ZNF221: variants seen among roughly 807,000 people sequenced by gnomAD.
ZNF221 encodes the protein zinc finger protein 221.
Under a neutral mutation model 12.6 loss-of-function variants are expected in ZNF221, and 10 were observed. The ratio of observed to expected loss-of-function variants is 0.79; its 90% CI spans 0.49 to 1.34. ZNF221 has a LOEUF of 1.34. Ranked by LOEUF, ZNF221 falls within the 40% of genes most tolerant of loss-of-function variation. ZNF221 has a pLI of 0.00. For missense variants in ZNF221, 661 were observed against 721.4 expected, an observed-to-expected ratio of 0.92 and a Z score of 0.96; for synonymous variants, 232 against 244.0, an observed-to-expected ratio of 0.95 and a Z score of 0.46.
At chr19:43,952,217 C>T (rs1240141873) in intron 1 of ZNF221, among the ~76,000 whole-genome samples, 1 of 152,122 alleles carries the variant, frequency 6.6e-6, no homozygotes, top group African/African-American at 2.4e-5. Flanking sequence ...TCTCCAATTT[C>T]CACAGAAGGA....
intron 1 of ZNF221, among the ~76,000 whole-genome samples, chr19:43,958,850 A>G (rs1217820213): frequency 1.3e-5 from 2 of 152,232 alleles, no homozygotes; most frequent in Non-Finnish European, 2.9e-5. Context: ...AGAATCTTTT[A>G]TCTTAGATGC....
chr19:43,963,473 C>T (rs773496500), intron 2 of ZNF221, among the ~76,000 whole-genome samples: 2 of 152,206 alleles, frequency 1.3e-5, no homozygotes, highest in African/African-American at 4.8e-5. Flanking sequence ...AGTTTTCACA[C>T]AGGAAGAGCT....
chr19:43,966,975 C>T lies in ZNF221; in HGVS notation c.1473C>T (p.Ser491=). Residue 491 remains serine, a synonymous_variant, in exon 5 of 5, where the codon TCC becomes TCT. Coordinates refer to ENST00000587682, the MANE Select transcript of ZNF221 (RefSeq NM_001297588.2). ...GTGGCAAGAGCTTTGGCTGGGCCTC[C>T]TGTCTTTTGAAACATCAGAGACTCC... is the stretch of plus-strand genomic sequence containing the variant. ...KECGKSFGWA[S]CLLKHQRLHS... is the part of the protein sequence containing the mutation. 1 of 1,605,094 alleles carries T rather than the reference C, an allele frequency of 6.2e-7. No individual in the cohort carries two copies. Among genetic ancestry groups the T allele is most frequent in the Non-Finnish European group, 8.5e-7 (1 of 1,176,934 alleles).
chr19:43,970,069 C>T (rs1267146433), downstream of ZNF221, among the ~76,000 whole-genome samples: 1 of 152,192 alleles, frequency 6.6e-6, no homozygotes, highest in African/African-American at 2.4e-5. Flanking sequence ...GAGAAGGCTG[C>T]CATCTTTGCT....
Position 43,966,312 on chromosome 19 carries a change from T to A in ZNF221, c.810T>A (p.Asn270Lys), listed in dbSNP as rs1469855227. 1 of 1,614,212 alleles carries A rather than the reference T, an allele frequency of 6.2e-7. No homozygotes were observed. The highest frequency in any genetic ancestry group is 8.5e-7 in the Non-Finnish European group (1 of 1,180,016). ...GKGFHSRSAL[N>K]VHCKLHTGEK... ...GCTTCCATAGTAGATCAGCACTTAA[T>A]GTTCATTGCAAATTGCACACAGGAG... Residue 270 changes from asparagine to lysine, a missense_variant, in exon 5 of 5, where the codon AAT (asparagine) becomes AAA (lysine). Coordinates refer to ENST00000587682, the MANE Select transcript of ZNF221 (RefSeq NM_001297588.2).
At chr19:43,978,415 A>G in the ZNF221 span, 1 of 152,118 alleles carries the variant, frequency 6.6e-6, no homozygotes. Context: ...GTTTTCTTAA[A>G]CTATCACCAG....
chr19:43,960,231 T>C (rs1256421621), intron 1 of ZNF221: 1 of 152,232 alleles, frequency 6.6e-6, no homozygotes, highest in Admixed American at 6.5e-5. Context: ...TTAGGGTACC[T>C]GGCAAAAGAA....
At chr19:43,977,191 T>C in the ZNF221 span, 8 of 152,328 alleles carry the variant, frequency 5.3e-5, no homozygotes, top group South Asian at 2.1e-4. Flanking sequence ...TGGATGAATA[T>C]TCTGACATTT....
rs139716962 is a variant in ZNF221 at position 43,966,296 on chromosome 19, G to A, written c.794G>A (p.Ser265Asn). The change falls in exon 5 of 5, where the codon AGT becomes AAT. Residue 265 changes from serine to asparagine, a missense_variant. Physicochemically the swap from Ser to Asn is conservative, Grantham distance 46 (BLOSUM62 1). Transcript: ENST00000587682. ...GGGCAATGTGGGAAAGGCTTCCATA[G>A]TAGATCAGCACTTAATGTTCATTGC... ...KCGQCGKGFH[S>N]RSALNVHCKL... is the part of the protein sequence containing the mutation. 2.5e-6 allele frequency: 4 copies of A among 1,613,168 alleles called. No individual in the cohort carries two copies. The African/African-American group carries it at 4.0e-5, about 16-fold the overall frequency.
At chr19:43,954,963 C>A (rs1974732357) in intron 1 of ZNF221, among the ~76,000 whole-genome samples, 1 of 152,106 alleles carries the variant, frequency 6.6e-6, no homozygotes, top group African/African-American at 2.4e-5. Context: ...TAAGCCAGCC[C>A]TGATGCTTTT....
In ZNF221 at chr19:43,962,778, G is replaced by A. The variant is rs758282806; in HGVS notation, c.52G>A (p.Glu18Lys). 4 of 1,613,750 alleles carry A rather than the reference G, an allele frequency of 2.5e-6. No individual in the cohort carries two copies. The South Asian group carries it at 4.4e-5, about 18-fold the overall frequency. The change falls in exon 2 of 5, where the codon GAA (glutamate) becomes AAA (lysine). Residue 18 changes from glutamate (E) to lysine (K), a missense_variant. Coordinates refer to ENST00000587682, the MANE Select transcript of ZNF221 (RefSeq NM_001297588.2). ...TCATTCAGGACTCTGCAAATTCCCTGAAGTAGAAGGAAAAATGACCACATT... is the reference window on the plus strand; with the variant it reads ...TCATTCAGGACTCTGCAAATTCCCTAAAGTAGAAGGAAAAATGACCACATT... ...LLHSGLCKFP[E>K]VEGKMTTFKE...
At chr19:43,961,225 C>A (rs2147338709) in intron 1 of ZNF221, among the ~76,000 whole-genome samples, 1 of 152,338 alleles carries the variant, frequency 6.6e-6, no homozygotes, top group African/African-American at 2.4e-5. Context: ...GGATTACAGG[C>A]TCAAGCCACA....
the ZNF221 span, chr19:43,977,113 AAACT>A: frequency 6.6e-6 from 1 of 152,200 alleles, no homozygotes; most frequent in African/African-American, 2.4e-5. Flanking sequence ...CCTTCATAAC[AAACT>A]AAGTGTCTTT....
In ZNF221 at chr19:43,966,875, A is replaced by G; in HGVS notation, c.1373A>G (p.Asp458Gly). 6.2e-7 allele frequency: 1 copy of G among 1,614,014 alleles called. No individual in the cohort carries two copies. Among genetic ancestry groups the G allele is most frequent in the East Asian group, 2.2e-5 (1 of 44,836 alleles). ...TATAACTGTGAGGAGTGTGGTAAGG[A>G]CTATAAAAGGAGGTTGGATCTTGAG... The part of the protein sequence containing the change: ...KPYNCEECGK[D>G]YKRRLDLEFH... Residue 458 changes from aspartate (D) to glycine (G), a missense_variant, in exon 5 of 5, where the codon GAC becomes GGC. Asp to Gly is a moderately conservative substitution (Grantham distance 94). Coordinates refer to ENST00000587682, the MANE Select transcript of ZNF221 (RefSeq NM_001297588.2).
chr19:43,964,184 A>C lies in ZNF221; in HGVS notation c.82-766A>C, dbSNP rs577743547. 3.3e-5 allele frequency among the ~76,000 whole-genome samples: 5 copies of C among 152,324 alleles called. No individual in the cohort carries two copies. The East Asian group carries it at 7.7e-4, about 23-fold the overall frequency. On this transcript the variant is annotated intron_variant, in intron 2 of 4. Coordinates refer to ENST00000587682, the MANE Select transcript of ZNF221 (RefSeq NM_001297588.2). ...TAACAATAATGACAGTTATAATAAA[A>C]ATAGATAATATTTATTAAATACTTA...
At chr19:43,974,827 C>T in the ZNF221 span, among the ~76,000 whole-genome samples, 27 of 151,980 alleles carry the variant, frequency 1.8e-4, no homozygotes, top group South Asian at 1.5e-3. Flanking sequence ...GAGACCAGCC[C>T]GGCCAACATG....
chr19:43,973,670 G>A, the ZNF221 span, among the ~76,000 whole-genome samples: 1 of 152,080 alleles, frequency 6.6e-6, no homozygotes, highest in African/African-American at 2.4e-5. Flanking sequence ...GAAAGAATAA[G>A]TTATCTAGGA....
At chr19:43,952,163 G>T (rs189573328) in intron 1 of ZNF221, among the ~76,000 whole-genome samples, 18 of 151,870 alleles carry the variant, frequency 1.2e-4, no homozygotes, top group African/African-American at 4.1e-4. Context: ...GTGAGCCACC[G>T]CGCCCGGCCG....
intron 1 of ZNF221, chr19:43,960,419 C>T (rs1229894337): frequency 6.6e-6 from 1 of 152,186 alleles, no homozygotes; most frequent in Non-Finnish European, 1.5e-5. Context: ...AAAGAAAAAG[C>T]ATTTTTAGGA....
Sources: gnomAD v4.1 joint callset for allele counts (sites outside exome capture counted in the v4.1 genomes callset) on GRCh38, gnomAD v4.1.1 for gene constraint, MANE v1.5 for transcripts, NCBI Gene and HGNC (gene_info 2026-07-23, HGNC 2026-07-21) for gene names.